The following MEIKIN variants were observed in gnomAD, a reference collection of about 807,000 sequenced individuals.
MEIKIN encodes meiosis-specific kinetochore protein.
At chr5:131,870,006 G>A (rs928320368) in intron 9 of MEIKIN, among the ~76,000 whole-genome samples, 11 of 152,154 alleles carry the variant, frequency 7.2e-5, no homozygotes, top group Non-Finnish European at 1.5e-4. Context: ...ACAAAGTGAT[G>A]ACTTCTAAGA....
At chr5:131,852,122 T>A (rs1287321890) in intron 10 of MEIKIN, among the ~76,000 whole-genome samples, 1 of 152,210 alleles carries the variant, frequency 6.6e-6, no homozygotes, top group East Asian at 1.9e-4. Flanking sequence ...TTGGTTTGGC[T>A]GTGTCTCTAC....
At chr5:131,812,151 A>C (rs983287359) in intron 12 of MEIKIN, among the ~76,000 whole-genome samples, 31 of 152,196 alleles carry the variant, frequency 2.0e-4, no homozygotes, top group African/African-American at 7.0e-4. Flanking sequence ...TATTAAATAT[A>C]CTCTACTGGG....
At chr5:131,839,158 G>C (rs761520680) in intron 11 of MEIKIN, among the ~76,000 whole-genome samples, 25 of 152,110 alleles carry the variant, frequency 1.6e-4, no homozygotes, top group Non-Finnish European at 5.9e-5. Context: ...TAATTGTATG[G>C]TTTTGAACTA....
intron 4 of MEIKIN, among the ~76,000 whole-genome samples, chr5:131,942,069 T>G (rs530975578): frequency 1.3e-5 from 2 of 152,354 alleles, no homozygotes; most frequent in East Asian, 3.9e-4. Flanking sequence ...GCTAAAGTGA[T>G]CATATCATTC....
intron 4 of MEIKIN, among the ~76,000 whole-genome samples, chr5:131,940,268 A>T (rs1172403884): frequency 6.6e-6 from 1 of 152,204 alleles, no homozygotes; most frequent in East Asian, 1.9e-4. Flanking sequence ...AGAGAAAAGC[A>T]TTTCCTGAGC....
chr5:131,869,137 T>C (rs1348648667), intron 9 of MEIKIN, among the ~76,000 whole-genome samples: 12 of 152,194 alleles, frequency 7.9e-5, no homozygotes, highest in African/African-American at 4.8e-5. Context: ...CCATGACCCA[T>C]TGTGATTAAT....
intron 8 of MEIKIN, among the ~76,000 whole-genome samples, chr5:131,879,431 G>A (rs972628748): frequency 1.9e-4 from 29 of 152,122 alleles, no homozygotes; most frequent in Non-Finnish European, 3.7e-4. Flanking sequence ...AGCTTTAGGG[G>A]TACAAGTGGT....
chr5:131,883,445 C>G (rs1750729820), intron 8 of MEIKIN, among the ~76,000 whole-genome samples: 1 of 152,204 alleles, frequency 6.6e-6, no homozygotes, highest in South Asian at 2.1e-4. Flanking sequence ...GAAGTACTTT[C>G]TTGTTTATTT....
At chr5:131,892,908 A>T (rs150596748) in intron 8 of MEIKIN, among the ~76,000 whole-genome samples, 2 of 151,824 alleles carry the variant, frequency 1.3e-5, no homozygotes, top group Non-Finnish European at 2.9e-5. Context: ...GGATGTCCTT[A>T]CTGTTTGTTA....
intron 9 of MEIKIN, among the ~76,000 whole-genome samples, chr5:131,867,572 T>C (rs987202427): frequency 6.6e-6 from 1 of 152,334 alleles, no homozygotes; most frequent in Admixed American, 6.5e-5. Flanking sequence ...CCAATCTTTT[T>C]ATTGTCAACA....
chr5:131,857,257 T>C (rs1750211033), intron 9 of MEIKIN, among the ~76,000 whole-genome samples: 1 of 152,082 alleles, frequency 6.6e-6, no homozygotes, highest in Non-Finnish European at 1.5e-5. Flanking sequence ...TTATTTCAAC[T>C]TGAAAAAAAG....
intron 5 of MEIKIN, among the ~76,000 whole-genome samples, chr5:131,933,201 GAAA>G (rs140126589): frequency 1.3e-5 from 2 of 151,718 alleles, no homozygotes; most frequent in Non-Finnish European, 2.9e-5. Context: ...ATAAGTACAG[GAAA>G]AAAAAGATAA....
In MEIKIN at chr5:131,886,019, G is replaced by A. The variant is rs145753906; in HGVS notation, c.704-6971C>T. Among the ~76,000 whole-genome samples the A allele has an allele frequency of 6.0e-3, 911 of 152,230 alleles. 12 individuals are homozygous for A. The highest frequency in any genetic ancestry group is 0.02 in the African/African-American group (826 of 41,556). ...TGGAGTTGAAAAATGCAACTGACAC[G>A]TTGAAGAATCCATCAGAGCCTTTTA... On this transcript the variant is annotated intron_variant, in intron 8 of 12. Coordinates refer to ENST00000442687, the MANE Select transcript of MEIKIN (RefSeq NM_001303622.2).
At chr5:131,885,353 G>C (rs1259455044) in intron 8 of MEIKIN, among the ~76,000 whole-genome samples, 2 of 5,988 alleles carry the variant, frequency 3.3e-4, no homozygotes, top group East Asian at 8.2e-3. Context: ...GAGAGAGAGA[G>C]AGAGAGAGAG....
chr5:131,868,394 G>C (rs1052684560), intron 9 of MEIKIN, among the ~76,000 whole-genome samples: 4 of 152,162 alleles, frequency 2.6e-5, no homozygotes, highest in African/African-American at 9.7e-5. Context: ...ACTCATTGTT[G>C]TTTTAATTTG....
At chr5:131,824,266 G>A (rs1749571028) in intron 11 of MEIKIN, among the ~76,000 whole-genome samples, 1 of 152,042 alleles carries the variant, frequency 6.6e-6, no homozygotes, top group African/African-American at 2.4e-5. Context: ...TGTAATCCCA[G>A]CACTTTGGGA....
chr5:131,811,801 T>C (rs1447244802), intron 12 of MEIKIN, among the ~76,000 whole-genome samples: 1 of 151,914 alleles, frequency 6.6e-6, no homozygotes, highest in East Asian at 1.9e-4. Flanking sequence ...AGAGATGGGG[T>C]TTCACCGTGT....
intron 8 of MEIKIN, among the ~76,000 whole-genome samples, chr5:131,889,318 T>G (rs1325450669): frequency 6.6e-6 from 1 of 152,146 alleles, no homozygotes; most frequent in Non-Finnish European, 1.5e-5. Flanking sequence ...GCCACTTTCA[T>G]GATATTGATT....
intron 5 of MEIKIN, among the ~76,000 whole-genome samples, chr5:131,923,401 C>G (rs1402026439): frequency 1.3e-5 from 2 of 151,992 alleles, no homozygotes; most frequent in Non-Finnish European, 2.9e-5. Context: ...ATTTTCTTCC[C>G]TTTTTTCTGT....
Sources: gnomAD v4.1 joint callset for allele counts (sites outside exome capture counted in the v4.1 genomes callset) on GRCh38, gnomAD v4.1.1 for gene constraint, MANE v1.5 for transcripts, NCBI Gene and HGNC (gene_info 2026-07-23, HGNC 2026-07-21) for gene names.